Variants in ARHGAP44 observed in about 807,000 individuals in gnomAD.
ARHGAP44 encodes the protein Rho GTPase activating protein 44.
In ARHGAP44, 43 loss-of-function variants were observed where a neutral mutation model predicts 106.8. The ratio of observed to expected loss-of-function variants is 0.40; its 90% CI spans 0.32 to 0.52. The LOEUF is 0.52. ARHGAP44 is among the 20% of genes least tolerant of loss of function. ARHGAP44 has a pLI of 0.48. For missense variants in ARHGAP44, 866 were observed against 1,050.5 expected (o/e 0.82, Z 2.43); for synonymous variants, 439 against 410.3 (o/e 1.07, Z -0.85).
intron 3 of ARHGAP44, among the ~76,000 whole-genome samples, chr17:12,897,990 A>G (rs1332487781): frequency 6.6e-6 from 1 of 152,110 alleles, no homozygotes; most frequent in African/African-American, 2.4e-5. Flanking sequence ...GGGCACTGAT[A>G]GAAGATTTGA....
At chr17:12,894,902 A>G in intron 1 of ARHGAP44, 38 bp from the exon 2 acceptor site, 4 of 1,553,290 alleles carry the variant, frequency 2.6e-6, no homozygotes, top group Non-Finnish European at 3.5e-6. Flanking sequence ...CTCTGTTGTT[A>G]GTTTTGTTAC....
intron 1 of ARHGAP44, among the ~76,000 whole-genome samples, chr17:12,826,670 G>T (rs1387090634): frequency 1.3e-5 from 2 of 152,160 alleles, no homozygotes; most frequent in Non-Finnish European, 2.9e-5. Flanking sequence ...ACTGGTGCCA[G>T]ACACCAAGAC....
At chr17:12,814,184 G>A (rs1215500757) in intron 1 of ARHGAP44, among the ~76,000 whole-genome samples, 4 of 150,174 alleles carry the variant, frequency 2.7e-5, no homozygotes, top group Non-Finnish European at 5.9e-5. Context: ...TGGGGGGCCT[G>A]CCAGGTCACA....
At chr17:12,871,244 C>T (rs1182417901) in intron 1 of ARHGAP44, among the ~76,000 whole-genome samples, 1 of 152,140 alleles carries the variant, frequency 6.6e-6, no homozygotes, top group Non-Finnish European at 1.5e-5. Context: ...AAATTGTAAT[C>T]CCCAATGCTG....
intron 10 of ARHGAP44, 31 bp downstream of exon 10, chr17:12,944,227 G>T (rs376207019): frequency 7.2e-5 from 113 of 1,563,102 alleles, no homozygotes; most frequent in Non-Finnish European, 9.3e-5. Context: ...ACGCCGCCCC[G>T]GGCAGGTCTC....
rs1338507184 is a variant in ARHGAP44 at position 12,989,914 on chromosome 17, A to T, written c.2318-118A>T. The T allele has an allele frequency of 3.5e-6, 5 of 1,419,486 alleles. No homozygotes were observed. In the African/African-American group the frequency reaches 5.7e-5, roughly 16 times the overall value. The allele number at this position is 1,419,486 out of a possible 1,614,324, so 87.9% of individuals were successfully genotyped here. ...CAATGCTTAAACCAACCTCCAAATG[A>T]TCTATCCCTAGAATAGCAGCACCCC... On this transcript the variant is annotated intron_variant, in intron 20 of 20. Coordinates refer to ENST00000379672, the MANE Select transcript of ARHGAP44 (RefSeq NM_014859.6).
intron 18 of ARHGAP44, among the ~76,000 whole-genome samples, chr17:12,975,372 G>A (rs76752310): frequency 0.083 from 12,599 of 151,976 alleles, 610 homozygotes; most frequent in African/African-American, 0.13. Flanking sequence ...TGGAGGTGGC[G>A]GTTGTACTGG....
intron 20 of ARHGAP44, among the ~76,000 whole-genome samples, chr17:12,989,101 C>CCCAAAAAAAAAAAA (rs1598173210): frequency 1.1e-4 from 5 of 45,162 alleles, no homozygotes; most frequent in Admixed American, 3.6e-4. Context: ...CCACCCCCCC[C>CCCAAAAAAAAAAAA]AAAAAAAAAA....
chr17:12,990,772 G>A lies in ARHGAP44; in HGVS notation c.*601G>A, dbSNP rs1208042434. On this transcript the variant is annotated 3_prime_UTR_variant, in exon 21 of 21. Transcript: ENST00000379672. ...TCAGTGGGCTCCAAAGTAAATGGCT[G>A]AAAACAAAAATGTTTCACTTCCTAA... is the stretch of plus-strand genomic sequence containing the variant. 1 of 152,182 alleles carries A rather than the reference G, an allele frequency of 6.6e-6. No individual in the cohort carries two copies. The highest frequency in any genetic ancestry group is 1.5e-5 in the Non-Finnish European group (1 of 68,068). The allele number at this position is 152,182 out of a possible 1,614,324, so 9.4% of individuals were successfully genotyped here. A position where few individuals can be genotyped will look rare whatever the true frequency, so the allele number is the denominator to read the frequency against.
Position 12,919,843 on chromosome 17 carries a change from T to G in ARHGAP44, c.464+12T>G. On this transcript the variant is annotated intron_variant, in intron 6 of 20. Coordinates refer to ENST00000379672, the MANE Select transcript of ARHGAP44 (RefSeq NM_014859.6). ...TCCTCACGAACCAGGTAGAATCTCT[T>G]TACTTTCTTTTTTGCTTCTTTGAAG... 1 of 1,607,212 alleles carries G rather than the reference T, an allele frequency of 6.2e-7. No homozygotes were observed.
intron 4 of ARHGAP44, among the ~76,000 whole-genome samples, chr17:12,910,773 G>A (rs1343313629): frequency 1.3e-5 from 2 of 151,810 alleles, no homozygotes; most frequent in South Asian, 2.1e-4. Flanking sequence ...TTAGAGAAGT[G>A]ACAAGACAAA....
intron 1 of ARHGAP44, among the ~76,000 whole-genome samples, chr17:12,834,828 A>G (rs2035189320): frequency 6.6e-6 from 1 of 151,930 alleles, no homozygotes; most frequent in South Asian, 2.1e-4. Flanking sequence ...TTTCTTTATG[A>G]TGCTAGCATC....
chr17:12,973,088 C>A, intron 16 of ARHGAP44: 1 of 536,342 alleles, frequency 1.9e-6, no homozygotes, highest in Non-Finnish European at 3.3e-6. Context: ...GCTCTCTTTA[C>A]CTGTGTGCAT....
At chr17:12,979,953 C>A in intron 18 of ARHGAP44, 105 bp from the exon 19 acceptor site, 1 of 1,261,264 alleles carries the variant, frequency 7.9e-7, no homozygotes, top group Non-Finnish European at 1.1e-6. Context: ...CTGGGACAGA[C>A]TTGCACGGGG....
rs934846707 is a variant in ARHGAP44 at position 12,963,822 on chromosome 17, TA to T, written c.1523+4936del. Among the ~76,000 whole-genome samples, 102 of 149,020 alleles carry T rather than the reference TA, an allele frequency of 6.8e-4. 1 individual carries two copies. The highest frequency in any genetic ancestry group is 3.5e-3 in the Middle Eastern group (1 of 288). On this transcript the variant is annotated intron_variant, in intron 16 of 20. Transcript: ENST00000379672. ...ACATAACAAAGAGCCAGAACAAGCTTAAAAAAAAAAATCCTTCAACCTGTCC... is the reference window on the plus strand; with the variant it reads ...ACATAACAAAGAGCCAGAACAAGCTTAAAAAAAAAATCCTTCAACCTGTCC...
rs147311490 is a variant in ARHGAP44, at chr17:12,845,325, T to A, written c.54-49615T>A. 8.2e-4 allele frequency among the ~76,000 whole-genome samples: 124 copies of A among 152,032 alleles called. 3 individuals are homozygous for A. The East Asian group carries it at 0.023, about 29-fold the overall frequency. ...GAGATCGAGACCAGCCTGGCCAACA[T>A]GGTGAAACCCCATCTCTACTAAAAA... On this transcript the variant is annotated intron_variant, in intron 1 of 20. Transcript: ENST00000379672.
chr17:12,962,021 T>C (rs1214552999), intron 16 of ARHGAP44, among the ~76,000 whole-genome samples: 2 of 152,026 alleles, frequency 1.3e-5, no homozygotes, highest in African/African-American at 4.8e-5. Flanking sequence ...ACACTGCTCA[T>C]TGAAACCCTG....
At chr17:12,929,520 A>G (rs2038338947) in intron 7 of ARHGAP44, 1 of 153,854 alleles carries the variant, frequency 6.5e-6, no homozygotes, top group Non-Finnish European at 1.4e-5. Flanking sequence ...CTAGCCATGA[A>G]AAGAGTCACA....
intron 1 of ARHGAP44, among the ~76,000 whole-genome samples, chr17:12,879,340 A>G (rs1046745670): frequency 1.3e-5 from 2 of 152,184 alleles, no homozygotes; most frequent in Non-Finnish European, 2.9e-5. Context: ...TCCATGGTGT[A>G]TATCACATTT....
Sources: gnomAD v4.1 joint callset for allele counts (sites outside exome capture counted in the v4.1 genomes callset) on GRCh38, gnomAD v4.1.1 for gene constraint, MANE v1.5 for transcripts, NCBI Gene and HGNC (gene_info 2026-07-23, HGNC 2026-07-21) for gene names.